MECOM: variants seen among roughly 807,000 people sequenced by gnomAD.
MECOM encodes histone-lysine N-methyltransferase MECOM.
In MECOM, 13 loss-of-function variants were observed where a neutral mutation model predicts 116.3. That is an observed-to-expected ratio of 0.11 (90% CI 0.07 to 0.18). The LOEUF is 0.18. Ranked by LOEUF, MECOM falls within the 10% of genes least tolerant of loss-of-function variation. The pLI is 1.00. For missense variants in MECOM, 1,299 were observed against 1,509.0 expected, an observed-to-expected ratio of 0.86 and a Z score of 2.31; for synonymous variants, 528 against 535.2, an observed-to-expected ratio of 0.99 and a Z score of 0.19.
At chr3:169,180,489 T>G (rs374232175) in intron 2 of MECOM, among the ~76,000 whole-genome samples, 2 of 152,076 alleles carry the variant, frequency 1.3e-5, no homozygotes, top group Non-Finnish European at 2.9e-5. Flanking sequence ...ATATACCTGA[T>G]AAGAAATGAT....
At chr3:169,518,679 T>C (rs1756997339) in intron 1 of MECOM, among the ~76,000 whole-genome samples, 1 of 152,218 alleles carries the variant, frequency 6.6e-6, no homozygotes, top group African/African-American at 2.4e-5. Flanking sequence ...TCTAATATGG[T>C]TTGGCTGCCC....
chr3:169,540,363 A>T (rs1759921963), intron 1 of MECOM, among the ~76,000 whole-genome samples: 1 of 152,096 alleles, frequency 6.6e-6, no homozygotes, highest in Non-Finnish European at 1.5e-5. Context: ...CCATGCCCAA[A>T]TGCCACTACT....
intron 1 of MECOM, among the ~76,000 whole-genome samples, chr3:169,627,612 T>G (rs1307567364): frequency 6.6e-6 from 1 of 152,244 alleles, no homozygotes; most frequent in Non-Finnish European, 1.5e-5. Flanking sequence ...TAAATTGGAA[T>G]GTAATTTTGA....
At chr3:169,484,085 C>A in intron 1 of MECOM, 1 of 903,994 alleles carries the variant, frequency 1.1e-6, no homozygotes, top group South Asian at 1.4e-5. Flanking sequence ...TTAAAATAAT[C>A]TATTGTTATT....
intron 14 of MECOM, among the ~76,000 whole-genome samples, chr3:169,092,530 T>C (rs1720075117): frequency 6.6e-6 from 1 of 152,052 alleles, no homozygotes; most frequent in Non-Finnish European, 1.5e-5. Context: ...TAGCCACTAT[T>C]GATCAGTGAT....
chr3:169,446,293 G>C (rs1470682984), intron 1 of MECOM, among the ~76,000 whole-genome samples: 1 of 152,016 alleles, frequency 6.6e-6, no homozygotes, highest in Non-Finnish European at 1.5e-5. Context: ...TTGAATCATG[G>C]GGGCCAGTCT....
At chr3:169,327,180 G>A (rs1252127066) in intron 2 of MECOM, among the ~76,000 whole-genome samples, 1 of 152,044 alleles carries the variant, frequency 6.6e-6, no homozygotes, top group Non-Finnish European at 1.5e-5. Flanking sequence ...GCTCTACCTT[G>A]CAAAACAAAA....
At chr3:169,195,628 C>T (rs944715109) in intron 2 of MECOM, among the ~76,000 whole-genome samples, 1 of 151,976 alleles carries the variant, frequency 6.6e-6, no homozygotes, top group African/African-American at 2.4e-5. Flanking sequence ...TCAGGTAAGA[C>T]AAGAACTACC....
rs149539300 is a variant in MECOM at position 169,308,555 on chromosome 3, T to A, written c.375+72632A>T. Among the ~76,000 whole-genome samples, 686 of 152,346 alleles carry A rather than the reference T, an allele frequency of 4.5e-3. 6 individuals carry two copies. The highest frequency in any genetic ancestry group is 0.015 in the African/African-American group (644 of 41,584). On this transcript the variant is annotated intron_variant, in intron 2 of 16. Transcript: ENST00000651503. The stretch of plus-strand genomic sequence containing the variant: ...AAGAATTACATATTTTGATGTGACA[T>A]CTTACAACAATATATTTATAAATTT...
chr3:169,089,025 G>T lies in MECOM; in HGVS notation c.3560C>A (p.Pro1187Gln), dbSNP rs376191747. The change falls in exon 16 of 17, where the codon CCG becomes CAG. Residue 1187 changes from proline to glutamine, a missense_variant. Pro to Gln is a moderately conservative substitution (Grantham distance 76). This residue lies in a region of MECOM where 273 missense variants were observed against 289.3 expected (regional missense o/e 0.94). Transcript: ENST00000651503. ...TSHVPEELKQ[P>Q]LHRKSKSQAY... is the part of the protein sequence containing the mutation. The stretch of plus-strand genomic sequence containing the variant: ...CTGCGATTTGGACTTTCTGTGTAAC[G>T]GCTGCTTAAGTTCCTCTGGCACATG... 9 of 1,600,640 alleles carry T rather than the reference G, an allele frequency of 5.6e-6. No individual in the cohort carries two copies. The East Asian group carries it at 2.0e-4, about 36-fold the overall frequency.
At chr3:169,130,949 T>C (rs745666332) in intron 4 of MECOM, among the ~76,000 whole-genome samples, 7 of 152,128 alleles carry the variant, frequency 4.6e-5, no homozygotes, top group Non-Finnish European at 8.8e-5. Context: ...CTCTATAATT[T>C]CTTCATCTAT....
In MECOM at chr3:169,607,070, C is replaced by T. The variant is rs1768674276; in HGVS notation, c.37+56266G>A. ...AACCTCATTGAACTCTTTCCACAAT[C>T]CTGTATTATAATACTTTAAAAAAAG... is the stretch of plus-strand genomic sequence containing the variant. On this transcript the variant is annotated intron_variant, in intron 1 of 16. Transcript: ENST00000651503. Among the ~76,000 whole-genome samples the T allele has an allele frequency of 2.0e-5, 3 of 152,186 alleles. No homozygotes were observed. In the South Asian group the frequency reaches 6.2e-4, roughly 32 times the overall value.
At chr3:169,159,027 G>T (rs1742430534) in intron 2 of MECOM, among the ~76,000 whole-genome samples, 1 of 152,150 alleles carries the variant, frequency 6.6e-6, no homozygotes, top group Admixed American at 6.5e-5. Context: ...CACAGGGAAG[G>T]TGATGGGCTG....
intron 2 of MECOM, among the ~76,000 whole-genome samples, chr3:169,330,506 A>G (rs1722547421): frequency 6.6e-6 from 1 of 152,196 alleles, no homozygotes; most frequent in Non-Finnish European, 1.5e-5. Flanking sequence ...ATTATTAAAT[A>G]TAATATTTCC....
At chr3:169,259,692 C>A (rs74680565) in intron 2 of MECOM, among the ~76,000 whole-genome samples, 2,236 of 152,310 alleles carry the variant, frequency 0.015, 162 homozygotes, top group Admixed American at 0.11. Flanking sequence ...TAGGCCACTA[C>A]AGTCCAGCCT....
intron 2 of MECOM, among the ~76,000 whole-genome samples, chr3:169,227,544 T>G (rs189289135): frequency 6.6e-6 from 1 of 152,266 alleles, no homozygotes; most frequent in African/African-American, 2.4e-5. Context: ...GTTTTCTGGT[T>G]ATGGGGACAG....
At chr3:169,229,373 C>T (rs1753109920) in intron 2 of MECOM, among the ~76,000 whole-genome samples, 1 of 152,178 alleles carries the variant, frequency 6.6e-6, no homozygotes, top group African/African-American at 2.4e-5. Flanking sequence ...AACCCAAAGG[C>T]TTATGAGACT....
chr3:169,234,217 C>T (rs945605655), intron 2 of MECOM, among the ~76,000 whole-genome samples: 2 of 151,758 alleles, frequency 1.3e-5, no homozygotes, highest in African/African-American at 2.4e-5. Flanking sequence ...TTTCTGCCCA[C>T]CCCCACAGAG....
At chr3:169,089,520 C>A (rs1463389869) in intron 15 of MECOM, among the ~76,000 whole-genome samples, 1 of 152,192 alleles carries the variant, frequency 6.6e-6, no homozygotes, top group Non-Finnish European at 1.5e-5. Flanking sequence ...TAGTCAACAT[C>A]CATCATGAAA....
Sources: gnomAD v4.1 joint callset for allele counts (sites outside exome capture counted in the v4.1 genomes callset) on GRCh38, gnomAD v4.1.1 for gene constraint, gnomAD v4.1.1 regional missense constraint, MANE v1.5 for transcripts, NCBI Gene and HGNC (gene_info 2026-07-23, HGNC 2026-07-21) for gene names.